SLC13A3: variants seen among roughly 807,000 people sequenced by gnomAD.
The protein encoded by SLC13A3 is Na(+)/dicarboxylate cotransporter 3.
A neutral mutation model predicts 59.0 loss-of-function variants in SLC13A3; 40 were observed. The ratio of observed to expected loss-of-function variants is 0.68; its 90% CI spans 0.53 to 0.88. The LOEUF is 0.88. SLC13A3 is among the 40% of genes least tolerant of loss of function. SLC13A3 has a pLI of 0.00. For synonymous variants in SLC13A3, 317 were observed against 330.3 expected (o/e 0.96, Z 0.44); for missense variants, 699 against 783.2 (o/e 0.89, Z 1.28).
intron 1 of SLC13A3, among the ~76,000 whole-genome samples, chr20:46,668,203 A>G (rs774745303): frequency 2.0e-5 from 3 of 152,216 alleles, no homozygotes; most frequent in Non-Finnish European, 2.9e-5. Flanking sequence ...AAATGGTTAC[A>G]CTTAGTGAGG....
chr20:46,684,351 T>TA (rs1218873182), intron 1 of SLC13A3: 1 of 152,224 alleles, frequency 6.6e-6, no homozygotes, highest in African/African-American at 2.4e-5. Flanking sequence ...GATAAAGACA[T>TA]ACCCGAGACC....
At chr20:46,652,449 AG>A (rs2062958350), upstream of SLC13A3, among the ~76,000 whole-genome samples, 1 of 151,754 alleles carries the variant, frequency 6.6e-6, no homozygotes, top group Admixed American at 6.6e-5. Flanking sequence ...GCTGGGGAGC[AG>A]TGGAGCGATC....
chr20:46,599,159 A>G (rs2062346796), intron 4 of SLC13A3, among the ~76,000 whole-genome samples: 1 of 152,246 alleles, frequency 6.6e-6, no homozygotes, highest in Admixed American at 6.5e-5. Context: ...ACTAGAATGT[A>G]AGCCCATAAG....
intron 1 of SLC13A3, among the ~76,000 whole-genome samples, chr20:46,616,529 G>A (rs73313006): frequency 0.066 from 10,013 of 152,202 alleles, 357 homozygotes; most frequent in Admixed American, 0.095. Flanking sequence ...TGTCAGAGCC[G>A]TTTCCAGAAC....
Position 46,587,973 on chromosome 20 carries a change from G to A in SLC13A3, c.1121+86C>T, listed in dbSNP as rs2745735. 2.9e-3 allele frequency: 1,917 copies of A among 651,282 alleles called. 30 individuals are homozygous for A. In the African/African-American group the frequency reaches 0.032, roughly 11 times the overall value. 40.3% of individuals were successfully genotyped at this position (651,282 alleles called of 1,614,324 possible). A position where few individuals can be genotyped will look rare whatever the true frequency, so the allele number is the denominator to read the frequency against. ...GGAAACTTGGATGCGTGTCTCCCCA[G>A]CTGCACTGCCGCCTCTCCAGCTCCA... On this transcript the variant is annotated intron_variant, in intron 8 of 12. Coordinates refer to ENST00000279027, the MANE Select transcript of SLC13A3 (RefSeq NM_022829.6).
chr20:46,626,922 G>T (rs1216803256), intron 1 of SLC13A3, among the ~76,000 whole-genome samples: 1 of 134,250 alleles, frequency 7.4e-6, no homozygotes, highest in Non-Finnish European at 1.6e-5. Flanking sequence ...TGGCTGGCTG[G>T]CTCCTTGCTG....
rs546351757 is a variant in SLC13A3 at position 46,610,297 on chromosome 20, A to G, written c.541+149T>C. The G allele has an allele frequency of 1.1e-4, 80 of 752,634 alleles. No homozygotes were observed. The Middle Eastern group carries it at 1.5e-3, about 14-fold the overall frequency. 46.6% of individuals were successfully genotyped at this position (752,634 alleles called of 1,614,324 possible). ...AGGTACCATGATTTCTTATCTAATTATCAGTCATTGTCATAACTAAAACAC... is the reference window on the plus strand; with the variant it reads ...AGGTACCATGATTTCTTATCTAATTGTCAGTCATTGTCATAACTAAAACAC... On this transcript the variant is annotated intron_variant, in intron 3 of 12. Transcript: ENST00000279027.
intron 1 of SLC13A3, among the ~76,000 whole-genome samples, chr20:46,635,127 C>T (rs1568949115): frequency 6.6e-6 from 1 of 152,204 alleles, no homozygotes; most frequent in Non-Finnish European, 1.5e-5. Flanking sequence ...CCAAGGAAGA[C>T]CACTTGCTGT....
chr20:46,594,941 T>G (rs1367941514), intron 5 of SLC13A3, among the ~76,000 whole-genome samples: 1 of 152,156 alleles, frequency 6.6e-6, no homozygotes, highest in Non-Finnish European at 1.5e-5. Context: ...CACATGTATG[T>G]TACTGAGGGT....
Position 46,588,049 on chromosome 20 carries a change from A to C in SLC13A3, c.1121+10T>G. On this transcript the variant is annotated intron_variant, in intron 8 of 12. Transcript: ENST00000279027. The stretch of plus-strand genomic sequence containing the variant: ...GTTGGACTCCTCCCTGTGGGTCCCC[A>C]GAGTCTCACCCAGGATTGAAGAGGC... 1 of 1,560,788 alleles carries C rather than the reference A, an allele frequency of 6.4e-7. No homozygotes were observed. The highest frequency in any genetic ancestry group is 8.8e-7 in the Non-Finnish European group (1 of 1,139,064).
chr20:46,612,541 C>A (rs573305290), intron 2 of SLC13A3, among the ~76,000 whole-genome samples: 1 of 151,910 alleles, frequency 6.6e-6, no homozygotes, highest in African/African-American at 2.4e-5. Flanking sequence ...GCCTATCACT[C>A]GGTCTTGCCG....
Position 46,572,074 on chromosome 20 carries a change from A to G in SLC13A3, c.1332+3499T>C, listed in dbSNP as rs923646260. Among the ~76,000 whole-genome samples the G allele has an allele frequency of 1.2e-4, 19 of 152,268 alleles. 1 individual carries two copies. The highest frequency in any genetic ancestry group is 4.6e-4 in the African/African-American group (19 of 41,548). ...GACTATACGGTTTTGTGGCAGGAGA[A>G]AACTGTAGTGAGGACCCTAAGTGGG... On this transcript the variant is annotated intron_variant, in intron 10 of 12. Coordinates refer to ENST00000279027, the MANE Select transcript of SLC13A3 (RefSeq NM_022829.6).
Position 46,610,571 on chromosome 20 carries a change from G to C in SLC13A3, c.416C>G (p.Ser139Cys). ...GGAGGCGGTGTTGCTCAGCCACATG[G>C]ACAAGAACGAGGTGGTCACCATCAT... Reference protein sequence around the residue: ...LGMMVTTSFLSMWLSNTASTA... With the variant: ...LGMMVTTSFLCMWLSNTASTA... Residue 139 changes from serine (S) to cysteine (C), a missense_variant, in exon 3 of 13, where the codon TCC becomes TGC. Ser to Cys is a moderately radical substitution (Grantham distance 112). Transcript: ENST00000279027. 2 of 1,614,044 alleles carry C rather than the reference G, an allele frequency of 1.2e-6. No homozygotes were observed. The highest frequency in any genetic ancestry group is 8.5e-7 in the Non-Finnish European group (1 of 1,179,996).
At chr20:46,615,472 C>T (rs1386861667) in intron 1 of SLC13A3, among the ~76,000 whole-genome samples, 1 of 152,154 alleles carries the variant, frequency 6.6e-6, no homozygotes, top group African/African-American at 2.4e-5. Flanking sequence ...ACTGTGACAA[C>T]AATCCAGGCA....
chr20:46,567,978 T>C (rs2061994893), intron 10 of SLC13A3, among the ~76,000 whole-genome samples: 1 of 152,148 alleles, frequency 6.6e-6, no homozygotes, highest in Non-Finnish European at 1.5e-5. Context: ...GAATCCAATG[T>C]ATTGCTACCA....
intron 1 of SLC13A3, among the ~76,000 whole-genome samples, chr20:46,632,995 TA>T (rs908678207): frequency 7.2e-4 from 109 of 152,090 alleles, no homozygotes; most frequent in African/African-American, 2.5e-3. Context: ...TCTATCTATC[TA>T]TCATCTATCT....
intron 1 of SLC13A3, among the ~76,000 whole-genome samples, chr20:46,631,150 T>A (rs2122812044): frequency 6.6e-6 from 1 of 152,220 alleles, no homozygotes; most frequent in East Asian, 1.9e-4. Flanking sequence ...GGTGATTCTG[T>A]CCCCCAGGGG....
intron 12 of SLC13A3, among the ~76,000 whole-genome samples, 159 bp downstream of exon 12, chr20:46,563,255 G>C (rs1374591618): frequency 2.6e-5 from 4 of 152,240 alleles, no homozygotes; most frequent in African/African-American, 9.6e-5. Flanking sequence ...AATCATCCCA[G>C]AGTCTCTGCT....
intron 1 of SLC13A3, among the ~76,000 whole-genome samples, chr20:46,632,718 A>G (rs1452330213): frequency 6.6e-6 from 1 of 152,150 alleles, no homozygotes; most frequent in Non-Finnish European, 1.5e-5. Flanking sequence ...TCAACCTCAT[A>G]GAGTTATTGT....
Sources: allele counts gnomAD v4.1 joint callset (sites outside exome capture counted in the v4.1 genomes callset), GRCh38; gene constraint gnomAD v4.1.1; transcripts MANE v1.5; gene names NCBI Gene and HGNC (gene_info 2026-07-23, HGNC 2026-07-21).